The following N4BP2 variants were observed in gnomAD, a reference collection of about 807,000 sequenced individuals.
The protein encoded by N4BP2 is NEDD4 binding protein 2, also known as NEDD4-binding protein 2.
In N4BP2, 91 loss-of-function variants were observed where a neutral mutation model predicts 152.8. The ratio of observed to expected loss-of-function variants is 0.60; its 90% CI spans 0.50 to 0.71. N4BP2 has a LOEUF of 0.71. N4BP2 is among the 30% of genes least tolerant of loss of function. The pLI, the probability that N4BP2 is intolerant of heterozygous loss-of-function variation, is 0.00. For synonymous variants in N4BP2, 646 were observed against 705.3 expected, an observed-to-expected ratio of 0.92 and a Z score of 1.33; for missense variants, 1,923 against 2,059.1, an observed-to-expected ratio of 0.93 and a Z score of 1.28.
downstream of N4BP2, among the ~76,000 whole-genome samples, chr4:40,162,582 C>T (rs1011600229): frequency 3.3e-5 from 5 of 152,146 alleles, no homozygotes; most frequent in African/African-American, 1.2e-4. Context: ...AAAAGCATTG[C>T]ATGTCAACTG....
chr4:40,103,891 T>C (rs1413573272), intron 4 of N4BP2, among the ~76,000 whole-genome samples: 1 of 152,216 alleles, frequency 6.6e-6, no homozygotes, highest in East Asian at 1.9e-4. Context: ...ATTGTTTTCA[T>C]AGTCCCTCTC....
chr4:40,140,092 T>C (rs1039893965), intron 14 of N4BP2, among the ~76,000 whole-genome samples: 6 of 152,096 alleles, frequency 3.9e-5, no homozygotes, highest in African/African-American at 1.4e-4. Flanking sequence ...ATGCCCAGCC[T>C]TATTTTTTTA....
chr4:40,136,170 A>T (rs1719361930), intron 13 of N4BP2, among the ~76,000 whole-genome samples: 3 of 152,138 alleles, frequency 2.0e-5, no homozygotes, highest in African/African-American at 7.2e-5. Context: ...CCATGGTAAA[A>T]GTAAATGTAG....
At chr4:40,151,268 T>C (rs1413215252) in intron 16 of N4BP2, among the ~76,000 whole-genome samples, 1 of 152,186 alleles carries the variant, frequency 6.6e-6, no homozygotes, top group African/African-American at 2.4e-5. Flanking sequence ...TGGGCTTTTT[T>C]TGTAAGTAAA....
intron 4 of N4BP2, 63 bp from the exon 5 acceptor site, chr4:40,106,837 A>G: frequency 6.7e-7 from 1 of 1,502,328 alleles, no homozygotes; most frequent in Middle Eastern, 2.2e-4. Flanking sequence ...ATGACTTTGG[A>G]AAAATTAGGA....
chr4:40,070,312 T>C (rs1712020980), intron 1 of N4BP2, among the ~76,000 whole-genome samples: 1 of 152,178 alleles, frequency 6.6e-6, no homozygotes, highest in Non-Finnish European at 1.5e-5. Context: ...TAGATTGATA[T>C]TTGCTCTTTT....
chr4:40,084,126 C>T (rs1308757952), intron 2 of N4BP2, among the ~76,000 whole-genome samples: 1 of 151,854 alleles, frequency 6.6e-6, no homozygotes, highest in Non-Finnish European at 1.5e-5. Context: ...AATTTTTGAA[C>T]TTTTAGTAGA....
At chr4:40,077,291 G>A (rs1387763346) in intron 2 of N4BP2, among the ~76,000 whole-genome samples, 1 of 151,652 alleles carries the variant, frequency 6.6e-6, no homozygotes, top group African/African-American at 2.4e-5. Context: ...GGGACTACAG[G>A]TGTGTACCAC....
At chr4:40,062,873 C>G (rs1009492911) in intron 1 of N4BP2, among the ~76,000 whole-genome samples, 6 of 152,152 alleles carry the variant, frequency 3.9e-5, no homozygotes, top group Non-Finnish European at 8.8e-5. Context: ...TTACATGGGC[C>G]TCCTCTTTGT....
chr4:40,184,849 G>T, the N4BP2 span, among the ~76,000 whole-genome samples: 1 of 152,064 alleles, frequency 6.6e-6, no homozygotes, highest in Non-Finnish European at 1.5e-5. Context: ...CCAGCTGCTC[G>T]GGAGGCTGAG....
At chr4:40,122,843 T>G (rs1258222906) in intron 9 of N4BP2, among the ~76,000 whole-genome samples, 1 of 152,194 alleles carries the variant, frequency 6.6e-6, no homozygotes, top group Non-Finnish European at 1.5e-5. Context: ...TATTGAAAAG[T>G]CTTGACTAAT....
the N4BP2 span, among the ~76,000 whole-genome samples, chr4:40,173,788 G>C: frequency 1.3e-5 from 2 of 152,144 alleles, no homozygotes; most frequent in Non-Finnish European, 2.9e-5. Context: ...TGGCAAACCA[G>C]TATTTCCTTT....
chr4:40,148,219 C>G (rs2110045228), intron 16 of N4BP2, among the ~76,000 whole-genome samples: 1 of 152,370 alleles, frequency 6.6e-6, no homozygotes, highest in Non-Finnish European at 1.5e-5. Flanking sequence ...GAGGCCGAGG[C>G]TGGCAGATCA....
chr4:40,102,893 C>T lies in N4BP2; in HGVS notation c.1048C>T (p.Leu350Phe), dbSNP rs1445279584. 3 of 1,614,202 alleles carry T rather than the reference C, an allele frequency of 1.9e-6. No individual in the cohort carries two copies. The highest frequency in any genetic ancestry group is 2.2e-5 in the South Asian group (2 of 91,084). The change falls in exon 4 of 18, where the codon CTC becomes TTC. Residue 350 changes from leucine to phenylalanine, a missense_variant. Coordinates refer to ENST00000261435, the MANE Select transcript of N4BP2 (RefSeq NM_018177.6). ...GAGTTACTGCCCGGTACTTGCTCCT[C>T]TCCCATTGCTGTTGCCTCCTCCGCC... ...DVSYCPVLAP[L>F]PLLLPPPPPP... is the part of the protein sequence containing the mutation.
At position 40,078,695 on chromosome 4, in the gene N4BP2, G is replaced by A. The variant is rs934898712; in HGVS notation, c.-115+5144G>A. 2.6e-5 allele frequency among the ~76,000 whole-genome samples: 4 copies of A among 151,494 alleles called. 1 individual carries two copies. The highest frequency in any genetic ancestry group is 9.7e-5 in the African/African-American group (4 of 41,238). ...TGTGCACCATTACGCCCAGCTTATT[G>A]TTTTGTATTTTTTTGTTGAGACAGG... On this transcript the variant is annotated intron_variant, in intron 2 of 17. Transcript: ENST00000261435.
At chr4:40,113,992 C>T (rs954809430) in intron 7 of N4BP2, among the ~76,000 whole-genome samples, 7 of 152,098 alleles carry the variant, frequency 4.6e-5, no homozygotes, top group African/African-American at 7.2e-5. Context: ...GGCGAATTGT[C>T]GTAGCTGCTT....
At chr4:40,110,698 C>T (rs1373787447) in intron 5 of N4BP2, among the ~76,000 whole-genome samples, 14 of 152,136 alleles carry the variant, frequency 9.2e-5, no homozygotes, top group African/African-American at 2.4e-4. Context: ...CCACTACGCC[C>T]GGCTAATTTT....
intron 15 of N4BP2, among the ~76,000 whole-genome samples, chr4:40,143,783 C>T (rs1720265616): frequency 1.3e-5 from 2 of 152,046 alleles, no homozygotes; most frequent in African/African-American, 4.8e-5. Context: ...CCAGCATTAT[C>T]AAAGGATACA....
intron 14 of N4BP2, chr4:40,142,259 T>C: frequency 3.3e-6 from 1 of 306,332 alleles, no homozygotes; most frequent in Admixed American, 3.5e-5. Flanking sequence ...AATGAACAGT[T>C]TTTTCAACTG....
Sources: allele counts gnomAD v4.1 joint callset (sites outside exome capture counted in the v4.1 genomes callset), GRCh38; gene constraint gnomAD v4.1.1; transcripts MANE v1.5; gene names NCBI Gene and HGNC (gene_info 2026-07-23, HGNC 2026-07-21).